The following GARIN2 variants were observed in gnomAD, a reference collection of about 807,000 sequenced individuals.
The protein encoded by GARIN2 is golgi associated RAB2 interactor family member 2, also known as Golgi-associated RAB2 interactor protein 2.
At chr14:67,203,265 C>T in the GARIN2 span, 3 of 1,600,222 alleles carry the variant, frequency 1.9e-6, no homozygotes, top group Non-Finnish European at 2.6e-6. Context: ...CCTGACATCT[C>T]CTCCTGCAGA....
chr14:67,202,945 C>T, the GARIN2 span: 1 of 859,642 alleles, frequency 1.2e-6, no homozygotes, highest in South Asian at 2.0e-5. Flanking sequence ...GCGGTATCTC[C>T]AAGAATTAGC....
the GARIN2 span, among the ~76,000 whole-genome samples, chr14:67,215,693 C>T: frequency 1.8e-3 from 280 of 152,096 alleles, no homozygotes; most frequent in Non-Finnish European, 2.1e-3. Context: ...ATTAGAAAAG[C>T]GTAAGGTTTA....
the GARIN2 span, among the ~76,000 whole-genome samples, chr14:67,215,049 G>A: frequency 6.6e-6 from 1 of 152,168 alleles, no homozygotes; most frequent in Admixed American, 6.5e-5. Context: ...TTGCTTGTCA[G>A]CTTAAGGAGA....
At chr14:67,208,210 G>C in the GARIN2 span, 1 of 1,612,362 alleles carries the variant, frequency 6.2e-7, no homozygotes, top group Non-Finnish European at 8.5e-7. Flanking sequence ...AGGAAAAATT[G>C]AAAAACATTC....
chr14:67,224,361 C>T, the GARIN2 span, among the ~76,000 whole-genome samples: 33 of 151,356 alleles, frequency 2.2e-4, no homozygotes, highest in Non-Finnish European at 7.4e-5. Context: ...CAGGTTCAAG[C>T]GATTCTCTTG....
At chr14:67,227,710 G>C in the GARIN2 span, 2 of 152,064 alleles carry the variant, frequency 1.3e-5, no homozygotes, top group Admixed American at 1.3e-4. Flanking sequence ...CACAGATTAA[G>C]AACTTGCAAA....
chr14:67,194,734 C>G, the GARIN2 span, among the ~76,000 whole-genome samples: 52 of 152,134 alleles, frequency 3.4e-4, no homozygotes, highest in Non-Finnish European at 4.6e-4. Context: ...AACTCCTGAC[C>G]TGGTGATCCA....
chr14:67,194,209 C>G, the GARIN2 span, among the ~76,000 whole-genome samples: 3 of 151,132 alleles, frequency 2.0e-5, no homozygotes, highest in Non-Finnish European at 4.4e-5. Flanking sequence ...CAAAAAAATA[C>G]ATAAATTAGC....
the GARIN2 span, among the ~76,000 whole-genome samples, chr14:67,225,926 A>AGAGTGTGT: frequency 7.3e-6 from 1 of 136,630 alleles, no homozygotes. Flanking sequence ...TAATGCTGTG[A>AGAGTGTGT]GTGTGTGTGT....
chr14:67,191,471 A>C, the GARIN2 span, among the ~76,000 whole-genome samples: 2 of 152,194 alleles, frequency 1.3e-5, no homozygotes, highest in Admixed American at 1.3e-4. Context: ...AAGCCAACCA[A>C]GACAGTGCAA....
the GARIN2 span, among the ~76,000 whole-genome samples, chr14:67,195,488 A>C: frequency 6.6e-6 from 1 of 152,178 alleles, no homozygotes; most frequent in African/African-American, 2.4e-5. Context: ...CTGATTAGCA[A>C]GTGTGAACCG....
the GARIN2 span, chr14:67,204,434 C>T: frequency 7.2e-7 from 1 of 1,388,084 alleles, no homozygotes. Flanking sequence ...AGAGTGAGAA[C>T]TTGTCTCAAA....
At chr14:67,201,905 G>A in the GARIN2 span, among the ~76,000 whole-genome samples, 1 of 152,080 alleles carries the variant, frequency 6.6e-6, no homozygotes, top group Non-Finnish European at 1.5e-5. Flanking sequence ...TCTACCAAGT[G>A]GCAGAGATTT....
the GARIN2 span, among the ~76,000 whole-genome samples, chr14:67,225,962 T>TGTGTGTGTGTGTGTGTGC: frequency 9.1e-4 from 103 of 113,500 alleles, no homozygotes; most frequent in Non-Finnish European, 1.2e-3. Context: ...TGTGTGTGTG[T>TGTGTGTGTGTGTGTGTGC]GCGCGCGCGC....
At chr14:67,226,058 G>A in the GARIN2 span, among the ~76,000 whole-genome samples, 17 of 152,154 alleles carry the variant, frequency 1.1e-4, no homozygotes, top group African/African-American at 3.9e-4. Flanking sequence ...GGCCTGGGCA[G>A]TAACCCCTTG....
At chr14:67,223,810 T>C in the GARIN2 span, 3 of 985,676 alleles carry the variant, frequency 3.0e-6, no homozygotes, top group South Asian at 4.7e-5. Context: ...ATTTTCACTC[T>C]CCTCTAAATC....
chr14:67,192,889 G>A, the GARIN2 span, among the ~76,000 whole-genome samples: 7 of 140,816 alleles, frequency 5.0e-5, no homozygotes, highest in African/African-American at 1.8e-4. Flanking sequence ...TATATATCTA[G>A]ATATCGATAT....
At chr14:67,212,557 C>G in the GARIN2 span, among the ~76,000 whole-genome samples, 2 of 133,424 alleles carry the variant, frequency 1.5e-5, no homozygotes. Context: ...AGCCACTGCA[C>G]TCCAGCCTGG....
At chr14:67,209,915 G>T in the GARIN2 span, among the ~76,000 whole-genome samples, 5 of 151,212 alleles carry the variant, frequency 3.3e-5, no homozygotes, top group African/African-American at 1.2e-4. Context: ...ATTAACAAAT[G>T]ATTTAAGGAC....
Sources: allele counts gnomAD v4.1 joint callset (sites outside exome capture counted in the v4.1 genomes callset), GRCh38; gene constraint gnomAD v4.1.1; transcripts MANE v1.5; gene names NCBI Gene and HGNC (gene_info 2026-07-23, HGNC 2026-07-21).